PDCD6IP: variants seen among roughly 807,000 people sequenced by gnomAD.
PDCD6IP encodes the protein programmed cell death 6-interacting protein.
PDCD6IP carries 43 observed loss-of-function variants against 103.7 expected under a neutral mutation model. The ratio of observed to expected loss-of-function variants is 0.41; its 90% confidence interval spans 0.32 to 0.53. The LOEUF is 0.53. PDCD6IP is among the 20% of genes least tolerant of loss of function. PDCD6IP has a pLI of 0.16. For missense variants in PDCD6IP, 871 were observed against 1,036.7 expected (o/e 0.84, Z 2.20); for synonymous variants, 354 against 378.7 (o/e 0.93, Z 0.76).
intron 1 of PDCD6IP, among the ~76,000 whole-genome samples, chr3:33,800,068 C>G (rs184755225): frequency 3.8e-4 from 52 of 137,694 alleles, no homozygotes; most frequent in Middle Eastern, 8.4e-3. Context: ...TGCAGTGAGC[C>G]GAGATCGCGC....
At chr3:33,799,106 C>G in intron 1 of PDCD6IP, 169 bp downstream of exon 1, 1 of 664,544 alleles carries the variant, frequency 1.5e-6, no homozygotes, top group Non-Finnish European at 2.5e-6. Flanking sequence ...CAGGACCCGC[C>G]CTGCAGGCCC....
At chr3:33,842,769 G>C (rs1166346399) in intron 10 of PDCD6IP, among the ~76,000 whole-genome samples, 1 of 152,160 alleles carries the variant, frequency 6.6e-6, no homozygotes, top group Non-Finnish European at 1.5e-5. Flanking sequence ...CTAGGAAATT[G>C]ACATTGGTAC....
At chr3:33,851,880 C>T (rs1479100518) in intron 12 of PDCD6IP, among the ~76,000 whole-genome samples, 1 of 152,218 alleles carries the variant, frequency 6.6e-6, no homozygotes, top group Non-Finnish European at 1.5e-5. Context: ...CTTTCTCCAT[C>T]TACCATGCTT....
chr3:33,837,580 C>T (rs911748036), intron 8 of PDCD6IP, among the ~76,000 whole-genome samples: 1 of 151,426 alleles, frequency 6.6e-6, no homozygotes, highest in African/African-American at 2.4e-5. Flanking sequence ...TGCCGTGACC[C>T]ACTCAGTCAA....
At chr3:33,854,084 G>A (rs1697778219) in intron 14 of PDCD6IP, 71 bp downstream of exon 14, 1 of 1,462,062 alleles carries the variant, frequency 6.8e-7, no homozygotes, top group Admixed American at 2.8e-5. Context: ...GAAGTTAAGT[G>A]GTATTTCCAG....
Position 33,855,229 on chromosome 3 carries a change from G to T in PDCD6IP, c.2089G>T (p.Ala697Ser). Residue 697 changes from alanine (A) to serine (S), a missense_variant, in exon 15 of 18, where the codon GCA (alanine) becomes TCA (serine). Ala to Ser is a moderately conservative substitution (Grantham distance 99, BLOSUM62 1). Transcript: ENST00000307296. The part of the protein sequence containing the change: ...FQNKCSDIVF[A>S]RKTERDELLK... ...GAACAAATGCAGTGATATAGTTTTT[G>T]CACGGAAGACAGAAAGAGATGAACT... 3 of 1,609,130 alleles carry T rather than the reference G, an allele frequency of 1.9e-6. No individual in the cohort carries two copies. The highest frequency in any genetic ancestry group is 2.2e-5 in the South Asian group (2 of 90,940).
rs749954487 is a variant in PDCD6IP, at chr3:33,865,330, G to A, written c.2332G>A (p.Gly778Arg). ...TTCTGCTACTGCTCCATCTCCAGTG[G>A]GGGCTGGGACTGCTGCGCCAGCTCC... ...APSATAPSPV[G>R]AGTAAPAPSQ... Residue 778 changes from glycine (G) to arginine (R), a missense_variant, in exon 17 of 18, where the codon GGG becomes AGG. Around this residue, in one of 5 missense-constraint regions of PDCD6IP, gnomAD observed 202 missense variants for 205.2 expected, o/e 0.98. Coordinates refer to ENST00000307296, the MANE Select transcript of PDCD6IP (RefSeq NM_013374.6). The A allele has an allele frequency of 3.1e-6, 5 of 1,596,474 alleles. No homozygotes were observed. The African/African-American group carries it at 5.4e-5, about 17-fold the overall frequency.
At chr3:33,866,260 C>A in intron 17 of PDCD6IP, 91 bp from the exon 18 acceptor site, 2 of 842,816 alleles carry the variant, frequency 2.4e-6, no homozygotes, top group Non-Finnish European at 1.7e-6. Flanking sequence ...ATAGAAATGA[C>A]TTTCATGAAA....
chr3:33,845,717 T>A (rs1308152507), intron 12 of PDCD6IP, 129 bp downstream of exon 12: 4 of 647,966 alleles, frequency 6.2e-6, no homozygotes, highest in African/African-American at 5.5e-5. Context: ...GGGGTTGTTA[T>A]ATTTAAAGTA....
rs1242658106 is a variant in PDCD6IP at position 33,866,398 on chromosome 3, G to A, written c.2480G>A (p.Gly827Asp). The A allele has an allele frequency of 2.5e-6, 4 of 1,608,148 alleles. No individual in the cohort carries two copies. The highest frequency in any genetic ancestry group is 1.7e-5 in the Admixed American group (1 of 58,938). Residue 827 changes from glycine to aspartate, a missense_variant, in exon 18 of 18, where the codon GGC becomes GAC. Coordinates refer to ENST00000307296, the MANE Select transcript of PDCD6IP (RefSeq NM_013374.6). Reference sequence around the variant, plus strand: ...ATGGGCTATAATCCTTATGCGTATGGCCAGTATAATATGCCATATCCACCA... The same window carrying A: ...ATGGGCTATAATCCTTATGCGTATGACCAGTATAATATGCCATATCCACCA... ...MPMGYNPYAY[G>D]QYNMPYPPVY...
chr3:33,814,916 ATT>A (rs971048825), intron 3 of PDCD6IP, among the ~76,000 whole-genome samples: 1 of 146,468 alleles, frequency 6.8e-6, no homozygotes, highest in South Asian at 2.1e-4. Context: ...ATATGTATAT[ATT>A]ATATATAAGA....
chr3:33,854,438 T>G (rs532498465), intron 14 of PDCD6IP, among the ~76,000 whole-genome samples: 1 of 152,306 alleles, frequency 6.6e-6, no homozygotes, highest in African/African-American at 2.4e-5. Context: ...CCTGCCCAAG[T>G]GTCAGAAGGC....
chr3:33,867,938 A>G lies in PDCD6IP; in HGVS notation c.*1413A>G, dbSNP rs1002052455. On this transcript the variant is annotated 3_prime_UTR_variant, in exon 18 of 18. Transcript: ENST00000307296. ...TTGGATTTATATTTTAAATGTTCGA[A>G]TGAAAGTATGATTGTAAAAGGGAGT... is the stretch of plus-strand genomic sequence containing the variant. 3 of 152,174 alleles carry G rather than the reference A, an allele frequency of 2.0e-5. No homozygotes were observed. Among genetic ancestry groups the G allele is most frequent in the African/African-American group, 7.2e-5 (3 of 41,440 alleles). 9.4% of individuals were successfully genotyped at this position (152,174 alleles called of 1,614,324 possible).
chr3:33,853,828 T>C, intron 13 of PDCD6IP, 51 bp from the exon 14 acceptor site: 1 of 1,283,332 alleles, frequency 7.8e-7, no homozygotes, highest in Non-Finnish European at 1.0e-6. Context: ...TGTTATGAGC[T>C]ATATTAATTT....
At chr3:33,851,791 A>G (rs1697720171) in intron 12 of PDCD6IP, among the ~76,000 whole-genome samples, 1 of 152,162 alleles carries the variant, frequency 6.6e-6, no homozygotes, top group Non-Finnish European at 1.5e-5. Context: ...GAGAGGCACA[A>G]GAACCCTCTT....
intron 3 of PDCD6IP, among the ~76,000 whole-genome samples, chr3:33,816,768 G>T (rs2125550086): frequency 6.6e-6 from 1 of 152,246 alleles, no homozygotes; most frequent in Admixed American, 6.5e-5. Context: ...AAGATTTGGG[G>T]ACAAAGGGAG....
intron 10 of PDCD6IP, among the ~76,000 whole-genome samples, chr3:33,842,707 C>T (rs1272875305): frequency 3.3e-5 from 5 of 152,070 alleles, no homozygotes; most frequent in Non-Finnish European, 1.5e-5. Context: ...TATTTTTCAC[C>T]TAGCTTCCCT....
At chr3:33,837,590 A>ATT (rs1329273725) in intron 8 of PDCD6IP, among the ~76,000 whole-genome samples, 23 of 141,624 alleles carry the variant, frequency 1.6e-4, no homozygotes, top group Non-Finnish European at 1.6e-4. Flanking sequence ...CACTCAGTCA[A>ATT]TTTTTTTTTT....
At chr3:33,838,897 C>G (rs931372258) in intron 9 of PDCD6IP, among the ~76,000 whole-genome samples, 2 of 151,926 alleles carry the variant, frequency 1.3e-5, no homozygotes, top group East Asian at 3.9e-4. Context: ...TCTCAACCTT[C>G]TGGGCTCAGG....
Sources: gnomAD v4.1 joint callset for allele counts (sites outside exome capture counted in the v4.1 genomes callset) on GRCh38, gnomAD v4.1.1 for gene constraint, gnomAD v4.1.1 regional missense constraint, MANE v1.5 for transcripts, NCBI Gene and HGNC (gene_info 2026-07-23, HGNC 2026-07-21) for gene names.